AFF3: variants seen among roughly 807,000 people sequenced by gnomAD.
AFF3 encodes AF4/FMR2 family member 3.
Under a neutral mutation model 129.7 loss-of-function variants are expected in AFF3, and 32 were observed. The observed-to-expected ratio is 0.25, with a 90% CI of 0.19 to 0.33. The LOEUF is 0.33. Among genes scored for constraint, AFF3 ranks in the 10% least tolerant of loss-of-function variants. The pLI is 1.00. For missense variants in AFF3, 1,373 were observed against 1,592.0 expected (o/e 0.86, Z 2.34); for synonymous variants, 644 against 635.4 (o/e 1.01, Z -0.20).
intron 13 of AFF3, among the ~76,000 whole-genome samples, chr2:99,648,831 G>A (rs1684925720): frequency 1.3e-5 from 2 of 150,114 alleles, no homozygotes; most frequent in South Asian, 4.2e-4. Flanking sequence ...CTAATGCTGT[G>A]GAGACACACA....
intron 13 of AFF3, among the ~76,000 whole-genome samples, chr2:99,614,627 C>A (rs188864972): frequency 6.6e-6 from 1 of 152,236 alleles, no homozygotes; most frequent in Admixed American, 6.5e-5. Flanking sequence ...CTTAGAGGGG[C>A]GCTTTGGCTT....
intron 20 of AFF3, 45 bp from the exon 21 acceptor site, chr2:99,560,481 G>C (rs775170082): frequency 6.4e-7 from 1 of 1,565,542 alleles, no homozygotes; most frequent in South Asian, 1.1e-5. Context: ...AACATAAAAA[G>C]CAAAGAAATA....
intron 4 of AFF3, among the ~76,000 whole-genome samples, chr2:100,079,555 C>A (rs1688875040): frequency 6.6e-6 from 1 of 152,180 alleles, no homozygotes; most frequent in South Asian, 2.1e-4. Context: ...AACTGGTATA[C>A]ACAGTTCCTG....
chr2:100,124,684 T>A (rs1419059156), intron 2 of AFF3, among the ~76,000 whole-genome samples: 1 of 151,492 alleles, frequency 6.6e-6, no homozygotes, highest in Non-Finnish European at 1.5e-5. Flanking sequence ...GGGGGGTGTA[T>A]CAGGTCTTCA....
At chr2:100,136,600 C>T (rs1020759570) in intron 1 of AFF3, among the ~76,000 whole-genome samples, 1 of 152,150 alleles carries the variant, frequency 6.6e-6, no homozygotes, top group African/African-American at 2.4e-5. Context: ...CCCTTCTCCC[C>T]CATTGATCTG....
chr2:99,786,639 A>T (rs1245303347), intron 8 of AFF3, among the ~76,000 whole-genome samples: 1 of 152,190 alleles, frequency 6.6e-6, no homozygotes, highest in African/African-American at 2.4e-5. Flanking sequence ...GATACTGAAA[A>T]ACATTTGTGG....
intron 8 of AFF3, among the ~76,000 whole-genome samples, chr2:99,815,334 AC>A (rs1447480690): frequency 6.6e-6 from 1 of 152,220 alleles, no homozygotes; most frequent in Non-Finnish European, 1.5e-5. Flanking sequence ...TACGACCAGC[AC>A]CACCATCCAT....
intron 7 of AFF3, among the ~76,000 whole-genome samples, chr2:99,948,770 G>A (rs10209198): frequency 0.1 from 15,205 of 151,624 alleles, 983 homozygotes; most frequent in Non-Finnish European, 0.13. Flanking sequence ...CAAAACACAA[G>A]AATAAAACAA....
intron 4 of AFF3, among the ~76,000 whole-genome samples, chr2:100,046,495 G>T (rs1310965603): frequency 6.6e-6 from 1 of 152,166 alleles, no homozygotes; most frequent in Non-Finnish European, 1.5e-5. Flanking sequence ...GGCACTGTTG[G>T]ACTGGGCTGC....
At chr2:99,652,758 G>A (rs979766304) in intron 12 of AFF3, among the ~76,000 whole-genome samples, 9 of 152,130 alleles carry the variant, frequency 5.9e-5, no homozygotes, top group Non-Finnish European at 1.0e-4. Context: ...CAGTCAGTCC[G>A]TGTCCAGGCT....
chr2:99,855,585 G>A (rs551387223), intron 7 of AFF3, among the ~76,000 whole-genome samples: 3 of 152,188 alleles, frequency 2.0e-5, no homozygotes, highest in Admixed American at 6.5e-5. Flanking sequence ...GGATTATAAG[G>A]TGAAGTATTA....
intron 13 of AFF3, among the ~76,000 whole-genome samples, chr2:99,603,987 G>A (rs1319951064): frequency 3.9e-5 from 6 of 152,146 alleles, no homozygotes; most frequent in African/African-American, 9.7e-5. Context: ...AGGTGTTGGC[G>A]AGGTTGTGGA....
intron 7 of AFF3, among the ~76,000 whole-genome samples, chr2:99,996,702 T>G (rs1424514282): frequency 1.3e-5 from 2 of 152,102 alleles, no homozygotes; most frequent in African/African-American, 4.8e-5. Flanking sequence ...CTTAATGTTA[T>G]CTAAATTTTT....
intron 9 of AFF3, among the ~76,000 whole-genome samples, chr2:99,745,891 A>G (rs1333627546): frequency 6.6e-6 from 1 of 152,206 alleles, no homozygotes; most frequent in Non-Finnish European, 1.5e-5. Context: ...ACCACATACC[A>G]TATGTTCTTA....
At chr2:99,604,887 G>T (rs1275740602) in intron 13 of AFF3, among the ~76,000 whole-genome samples, 1 of 152,226 alleles carries the variant, frequency 6.6e-6, no homozygotes. Context: ...AAACCAATCA[G>T]TATATTCTAT....
chr2:100,088,294 C>G (rs2105394662), intron 4 of AFF3, among the ~76,000 whole-genome samples: 1 of 152,166 alleles, frequency 6.6e-6, no homozygotes, highest in East Asian at 1.9e-4. Flanking sequence ...ACACACACAA[C>G]TATTAGAACT....
chr2:99,714,077 A>T (rs1678160037), intron 11 of AFF3, among the ~76,000 whole-genome samples: 1 of 152,194 alleles, frequency 6.6e-6, no homozygotes, highest in African/African-American at 2.4e-5. Context: ...AGAACACAGA[A>T]AATGGGGTTC....
At chr2:99,558,290 C>T (rs911849308) in intron 22 of AFF3, among the ~76,000 whole-genome samples, 15 of 152,110 alleles carry the variant, frequency 9.9e-5, no homozygotes, top group Non-Finnish European at 1.6e-4. Context: ...GACAGTGGAA[C>T]GAGTAACTGG....
At chr2:99,709,077 G>A (rs936436384) in intron 11 of AFF3, among the ~76,000 whole-genome samples, 1 of 152,238 alleles carries the variant, frequency 6.6e-6, no homozygotes, top group African/African-American at 2.4e-5. Context: ...ACAGAGGTGT[G>A]AGAAAAAGTA....
Sources: allele counts gnomAD v4.1 joint callset (sites outside exome capture counted in the v4.1 genomes callset), GRCh38; gene constraint gnomAD v4.1.1; transcripts MANE v1.5; gene names NCBI Gene and HGNC (gene_info 2026-07-23, HGNC 2026-07-21).